The following TSTD2 variants were observed in gnomAD, a reference collection of about 807,000 sequenced individuals.
The protein encoded by TSTD2 is thiosulfate sulfurtransferase like domain containing 2, also known as thiosulfate sulfurtransferase/rhodanese-like domain-containing protein 2.
A neutral mutation model predicts 47.9 loss-of-function variants in TSTD2; 37 were observed. That is an observed-to-expected ratio of 0.77 (90% CI 0.59 to 1.02). The LOEUF is 1.02. Among genes scored for constraint, TSTD2 ranks in the 50% least tolerant of loss-of-function variants. The pLI is 0.00. For missense variants in TSTD2, 586 were observed against 616.0 expected (o/e 0.95, Z 0.52); for synonymous variants, 201 against 215.9 (o/e 0.93, Z 0.61).
intron 3 of TSTD2, among the ~76,000 whole-genome samples, chr9:97,622,352 T>C (rs1826653122): frequency 6.6e-6 from 1 of 152,234 alleles, no homozygotes; most frequent in South Asian, 2.1e-4. Flanking sequence ...AATCAGGGTT[T>C]GGGAACCTCT....
chr9:97,601,236 A>G lies in TSTD2; in HGVS notation c.*1233T>C, dbSNP rs574809323. On this transcript the variant is annotated 3_prime_UTR_variant, in exon 10 of 10. Coordinates refer to ENST00000341170, the MANE Select transcript of TSTD2 (RefSeq NM_139246.5). ...TCGCTGAAAACTGCAATATAATATT[A>G]AATCTGTTGGTCTATGCATGGCTGC... 1 of 1,262,830 alleles carries G rather than the reference A, an allele frequency of 7.9e-7. No individual in the cohort carries two copies. The highest frequency in any genetic ancestry group is 1.5e-5 in the African/African-American group (1 of 65,172). The allele number at this position is 1,262,830 out of a possible 1,614,324, so 78.2% of individuals were successfully genotyped here. A position where few individuals can be genotyped will look rare whatever the true frequency, so the allele number is the denominator to read the frequency against.
Position 97,625,760 on chromosome 9 carries a change from T to C in TSTD2, c.403A>G (p.Lys135Glu). The C allele has an allele frequency of 3.7e-6, 6 of 1,614,176 alleles. No individual in the cohort carries two copies. The highest frequency in any genetic ancestry group is 5.1e-6 in the Non-Finnish European group (6 of 1,179,986). Residue 135 changes from lysine to glutamate, a missense_variant, in exon 3 of 10, where the codon AAA becomes GAA. By Grantham distance (56) the Lys-to-Glu change is moderately conservative. Coordinates refer to ENST00000341170, the MANE Select transcript of TSTD2 (RefSeq NM_139246.5). ...LSSADEKNPL[K>E]ECLPHSHDVS... is the part of the protein sequence containing the mutation. ...TCATGGCTATGTGGAAGGCACTCTTTTAAAGGGTTCTTTTCATCTGCAGAC... is the reference window on the plus strand; with the variant it reads ...TCATGGCTATGTGGAAGGCACTCTTCTAAAGGGTTCTTTTCATCTGCAGAC...
chr9:97,609,391 A>G (rs1826420340), intron 6 of TSTD2, among the ~76,000 whole-genome samples: 1 of 152,206 alleles, frequency 6.6e-6, no homozygotes, highest in Admixed American at 6.5e-5. Flanking sequence ...AGATTATGGG[A>G]AACTCTAAAG....
In TSTD2 at chr9:97,633,363, C is replaced by T. The variant is rs1393643652; in HGVS notation, c.-171G>A. On this transcript the variant is annotated 5_prime_UTR_variant, in exon 1 of 10. Transcript: ENST00000341170. ...GCGTATTTGGGTAGAAAAGCTCGCTCGTGACGTCACCAAGCTCCGGAAGTC... is the reference window on the plus strand; with the variant it reads ...GCGTATTTGGGTAGAAAAGCTCGCTTGTGACGTCACCAAGCTCCGGAAGTC... The T allele has an allele frequency of 7.9e-6, 3 of 381,768 alleles. No individual in the cohort carries two copies. Among genetic ancestry groups the T allele is most frequent in the African/African-American group, 4.1e-5 (2 of 48,270 alleles). The allele number at this position is 381,768 out of a possible 1,614,324, so 23.6% of individuals were successfully genotyped here. A position where few individuals can be genotyped will look rare whatever the true frequency, so the allele number is the denominator to read the frequency against.
At position 97,630,470 on chromosome 9, in the gene TSTD2, TTAAG is replaced by T. The variant is rs377124976; in HGVS notation, c.-51+2769_-51+2772del. Among the ~76,000 whole-genome samples, 45 of 149,632 alleles carry T rather than the reference TTAAG, an allele frequency of 3.0e-4. No homozygotes were observed. The South Asian group carries it at 6.7e-3, about 22-fold the overall frequency. On this transcript the variant is annotated intron_variant, in intron 1 of 9. Coordinates refer to ENST00000341170, the MANE Select transcript of TSTD2 (RefSeq NM_139246.5). ...GCTTATATTCTGGTAAGGAGAGACA[TTAAG>T]TAAGTAATAAACAAACAAACAAACA...
At chr9:97,629,701 C>T (rs1035832615) in intron 1 of TSTD2, among the ~76,000 whole-genome samples, 1 of 152,208 alleles carries the variant, frequency 6.6e-6, no homozygotes, top group African/African-American at 2.4e-5. Flanking sequence ...AACACACTTC[C>T]TCCATGCTCA....
chr9:97,604,835 C>T lies in TSTD2; in HGVS notation c.1144G>A (p.Gly382Ser). The change falls in exon 9 of 10, where the codon GGT becomes AGT. Residue 382 changes from glycine (G) to serine (S), a missense_variant. Physicochemically the swap from Gly to Ser is moderately conservative, Grantham distance 56 (BLOSUM62 0). Coordinates refer to ENST00000341170, the MANE Select transcript of TSTD2 (RefSeq NM_139246.5). Reference sequence around the variant, plus strand: ...TCTTCCAGGTACTTGTGGATGCCACCCTTGAGCTGGAACACCTCCTTGCAC... The same window carrying T: ...TCTTCCAGGTACTTGTGGATGCCACTCTTGAGCTGGAACACCTCCTTGCAC... ...GVCKEVFQLK[G>S]GIHKYLEEFP... The T allele has an allele frequency of 6.2e-7, 1 of 1,614,176 alleles. No individual in the cohort carries two copies.
chr9:97,620,048 A>G (rs1252067423), intron 3 of TSTD2, among the ~76,000 whole-genome samples: 1 of 152,206 alleles, frequency 6.6e-6, no homozygotes, highest in Non-Finnish European at 1.5e-5. Flanking sequence ...TGTATCTGGC[A>G]ATAAAAACCT....
chr9:97,605,719 C>A, intron 7 of TSTD2, 78 bp from the exon 8 acceptor site: 1 of 1,578,268 alleles, frequency 6.3e-7, no homozygotes. Context: ...TTGTACCCAA[C>A]AAACCCTACT....
Position 97,602,449 on chromosome 9 carries a change from GA to G in TSTD2, c.*19del. On this transcript the variant is annotated 3_prime_UTR_variant, in exon 10 of 10. Coordinates refer to ENST00000341170, the MANE Select transcript of TSTD2 (RefSeq NM_139246.5). ...AAACCTACTTTTACCGAGGGCCTGG[GA>G]AAATGCCAAAGGTGCTGCTCACATA... 1.3e-6 allele frequency: 2 copies of G among 1,567,286 alleles called. No individual in the cohort carries two copies. The highest frequency in any genetic ancestry group is 1.8e-5 in the Admixed American group (1 of 54,914).
intron 9 of TSTD2, chr9:97,603,145 C>G (rs1455805942): frequency 9.9e-6 from 2 of 203,008 alleles, no homozygotes; most frequent in Non-Finnish European, 2.2e-5. Flanking sequence ...GTTCCCTTTT[C>G]CAGGGGGGAC....
chr9:97,614,733 T>C (rs73554633), intron 4 of TSTD2, among the ~76,000 whole-genome samples: 1,523 of 152,256 alleles, frequency 0.01, 24 homozygotes, highest in African/African-American at 0.035. Flanking sequence ...TGGCAGGTTC[T>C]AGAAAATTAA....
At chr9:97,627,367 C>T (rs1826739139) in intron 2 of TSTD2, 31 bp downstream of exon 2, 1 of 1,568,180 alleles carries the variant, frequency 6.4e-7, no homozygotes, top group Middle Eastern at 1.9e-4. Flanking sequence ...ACCACACATA[C>T]ATGATCATGA....
chr9:97,615,298 C>T (rs1013057573), intron 4 of TSTD2, among the ~76,000 whole-genome samples: 3 of 152,228 alleles, frequency 2.0e-5, no homozygotes, highest in Non-Finnish European at 4.4e-5. Flanking sequence ...AGAAGCATTA[C>T]ATTATAATCC....
chr9:97,608,254 CA>C lies in TSTD2; in HGVS notation c.836-1994del, dbSNP rs142670036. ...CTACCTGCAGGAAGCCACAGGAAAC[CA>C]AACCTGTTCCCTGCTGCTATGATTG... is the stretch of plus-strand genomic sequence containing the variant. On this transcript the variant is annotated intron_variant, in intron 6 of 9. Coordinates refer to ENST00000341170, the MANE Select transcript of TSTD2 (RefSeq NM_139246.5). 6.6e-3 allele frequency among the ~76,000 whole-genome samples: 1,001 copies of C among 152,302 alleles called. 12 individuals are homozygous for C. The highest frequency in any genetic ancestry group is 0.022 in the African/African-American group (926 of 41,562).
At chr9:97,615,914 G>GA (rs368018400) in intron 4 of TSTD2, among the ~76,000 whole-genome samples, 1 of 152,078 alleles carries the variant, frequency 6.6e-6, no homozygotes, top group Non-Finnish European at 1.5e-5. Flanking sequence ...TACAGTGCTT[G>GA]AAAAAAATAT....
chr9:97,604,710 A>G lies in TSTD2; in HGVS notation c.1252+17T>C, dbSNP rs776019419. On this transcript the variant is annotated intron_variant, in intron 9 of 9. Coordinates refer to ENST00000341170, the MANE Select transcript of TSTD2 (RefSeq NM_139246.5). ...GTGCTTCATTTCAGTTTGGGCTCTGAGCCTGTGCTGACCTACCTGACACCA... is the reference window on the plus strand; with the variant it reads ...GTGCTTCATTTCAGTTTGGGCTCTGGGCCTGTGCTGACCTACCTGACACCA... 33 of 1,613,868 alleles carry G rather than the reference A, an allele frequency of 2.0e-5. No homozygotes were observed. Among genetic ancestry groups the G allele is most frequent in the Non-Finnish European group, 2.8e-5 (33 of 1,179,856 alleles).
intron 2 of TSTD2, among the ~76,000 whole-genome samples, chr9:97,626,546 C>T (rs1047053512): frequency 3.3e-5 from 5 of 152,150 alleles, no homozygotes; most frequent in African/African-American, 1.2e-4. Context: ...AATAATATTA[C>T]TGTTTTTATA....
intron 9 of TSTD2, among the ~76,000 whole-genome samples, chr9:97,603,589 G>T (rs141365266): frequency 1.3e-5 from 2 of 152,256 alleles, no homozygotes; most frequent in African/African-American, 4.8e-5. Flanking sequence ...ACAATCAAAC[G>T]CAAATCTTAC....
Sources: gnomAD v4.1 joint callset for allele counts (sites outside exome capture counted in the v4.1 genomes callset) on GRCh38, gnomAD v4.1.1 for gene constraint, MANE v1.5 for transcripts, NCBI Gene and HGNC (gene_info 2026-07-23, HGNC 2026-07-21) for gene names.